UBXN7: variants seen among roughly 807,000 people sequenced by gnomAD.
UBXN7 encodes the protein UBX domain-containing protein 7.
A neutral mutation model predicts 58.0 loss-of-function variants in UBXN7; 9 were observed. The ratio of observed to expected loss-of-function variants is 0.16; its 90% CI spans 0.09 to 0.27. UBXN7 has a LOEUF of 0.27. Among genes scored for constraint, UBXN7 ranks in the 10% least tolerant of loss-of-function variants. UBXN7 has a pLI of 1.00. For missense variants in UBXN7, 328 were observed against 599.6 expected (o/e 0.55, Z 4.73); for synonymous variants, 208 against 205.0 (o/e 1.01, Z -0.12).
intron 1 of UBXN7, chr3:196,432,082 G>A (rs1471200056): frequency 1.6e-6 from 1 of 623,786 alleles, no homozygotes; most frequent in Admixed American, 2.6e-5. Context: ...GGGCTGGCGG[G>A]GGGTTGGGGG....
chr3:196,401,129 C>T (rs533640823), intron 3 of UBXN7, among the ~76,000 whole-genome samples: 49 of 149,436 alleles, frequency 3.3e-4, no homozygotes, highest in African/African-American at 1.1e-3. Flanking sequence ...ACATTTATCT[C>T]GGCCGGGTAT....
chr3:196,358,720 G>A (rs532848449), intron 10 of UBXN7, among the ~76,000 whole-genome samples: 4 of 152,244 alleles, frequency 2.6e-5, no homozygotes, highest in Non-Finnish European at 5.9e-5. Flanking sequence ...CAGCCTGAGC[G>A]ACAGAGCGAC....
intron 5 of UBXN7, among the ~76,000 whole-genome samples, chr3:196,381,424 A>C (rs151231486): frequency 6.6e-6 from 1 of 152,360 alleles, no homozygotes; most frequent in African/African-American, 2.4e-5. Context: ...ACTAACAAAC[A>C]AAAAGGAATA....
chr3:196,370,127 C>CAAAAAAA (rs368855542), intron 6 of UBXN7, among the ~76,000 whole-genome samples: 1 of 73,424 alleles, frequency 1.4e-5, no homozygotes, highest in Non-Finnish European at 2.5e-5. Flanking sequence ...AGACTTGTCT[C>CAAAAAAA]AAAAAAAAAA....
intron 1 of UBXN7, among the ~76,000 whole-genome samples, chr3:196,425,724 A>T (rs1730828675): frequency 6.6e-6 from 1 of 152,032 alleles, no homozygotes; most frequent in Non-Finnish European, 1.5e-5. Context: ...CCCTAAACCG[A>T]TTGTCTCCCC....
At chr3:196,401,823 G>GAGAGAAGAGAAGAGAAGAGA (rs56069211) in intron 3 of UBXN7, among the ~76,000 whole-genome samples, 13,093 of 120,106 alleles carry the variant, frequency 0.11, 1,109 homozygotes, top group East Asian at 0.21. Context: ...GAAAAGAGAA[G>GAGAGAAGAGAAGAGAAGAGA]AGAGAAGAGA....
At chr3:196,397,703 T>A (rs1244113855) in intron 3 of UBXN7, 2 of 152,346 alleles carry the variant, frequency 1.3e-5, no homozygotes, top group East Asian at 3.9e-4. Flanking sequence ...AGCCAAGAAC[T>A]CCTGGGGCTC....
chr3:196,408,821 T>C (rs1444258381), intron 1 of UBXN7, among the ~76,000 whole-genome samples: 1 of 152,252 alleles, frequency 6.6e-6, no homozygotes, highest in Non-Finnish European at 1.5e-5. Flanking sequence ...CTGTTGTTTC[T>C]AGTTGCTTTT....
chr3:196,393,654 A>C, intron 3 of UBXN7, 35 bp from the exon 4 acceptor site: 2 of 1,578,718 alleles, frequency 1.3e-6, no homozygotes, highest in Non-Finnish European at 1.7e-6. Flanking sequence ...AAAATTTTTT[A>C]AATTAATTTT....
chr3:196,402,962 T>C lies in UBXN7; in HGVS notation c.279A>G (p.Pro93=), dbSNP rs150999932. The change falls in exon 3 of 11, where the codon CCA becomes CCG. Residue 93 remains proline, a synonymous_variant. Coordinates refer to ENST00000296328, the MANE Select transcript of UBXN7 (RefSeq NM_015562.2). ...AAAAAGTGAACTTACCACCAAATAA[T>C]GGTTCTGGTTCCACCAGTATTTCCT... is the stretch of plus-strand genomic sequence containing the variant. ...QKQEILVEPE[P]LFGAPKRRRP... 121 of 1,596,268 alleles carry C rather than the reference T, an allele frequency of 7.6e-5. No homozygotes were observed. In the African/African-American group the frequency reaches 1.5e-3, roughly 20 times the overall value.
chr3:196,383,647 A>C (rs1729283704), intron 5 of UBXN7, among the ~76,000 whole-genome samples: 1 of 152,246 alleles, frequency 6.6e-6, no homozygotes, highest in African/African-American at 2.4e-5. Context: ...TAAGAAACTC[A>C]TTCAAAACTG....
Position 196,418,517 on chromosome 3 carries a change from T to C in UBXN7, c.74-11124A>G, listed in dbSNP as rs561339736. Among the ~76,000 whole-genome samples, 3 of 152,076 alleles carry C rather than the reference T, an allele frequency of 2.0e-5. No homozygotes were observed. The South Asian group carries it at 6.2e-4, about 31-fold the overall frequency. The stretch of plus-strand genomic sequence containing the variant: ...ACTCATTTTTTTAAAAGCAGTACAA[T>C]GAAGACAGCAAAAACCTATTACACT... On this transcript the variant is annotated intron_variant, in intron 1 of 10. Transcript: ENST00000296328.
chr3:196,397,351 G>A (rs1729808242), intron 3 of UBXN7, among the ~76,000 whole-genome samples: 1 of 152,194 alleles, frequency 6.6e-6, no homozygotes, highest in Non-Finnish European at 1.5e-5. Context: ...ATATCTGTTC[G>A]TATTTGGCTT....
rs547039851 is a variant in UBXN7 at position 196,404,783 on chromosome 3, C to T, written c.222-1764G>A. Reference sequence around the variant, plus strand: ...ATGTTAAGTACCCTTTCCTACTGCTCACACACAAAATTTCGATAATCTGAA... The same window carrying T: ...ATGTTAAGTACCCTTTCCTACTGCTTACACACAAAATTTCGATAATCTGAA... On this transcript the variant is annotated intron_variant, in intron 2 of 10. Coordinates refer to ENST00000296328, the MANE Select transcript of UBXN7 (RefSeq NM_015562.2). 1.3e-5 allele frequency among the ~76,000 whole-genome samples: 2 copies of T among 152,240 alleles called. 1 individual carries two copies. Among genetic ancestry groups the T allele is most frequent in the East Asian group, 3.9e-4 (2 of 5,180 alleles).
chr3:196,370,217 G>A (rs181349574), intron 6 of UBXN7, among the ~76,000 whole-genome samples: 408 of 151,310 alleles, frequency 2.7e-3, no homozygotes, highest in African/African-American at 9.3e-3. Context: ...GCAGAGGACA[G>A]CTTGAGGCCA....
At chr3:196,384,274 C>A (rs1186459838) in intron 5 of UBXN7, among the ~76,000 whole-genome samples, 1 of 152,146 alleles carries the variant, frequency 6.6e-6, no homozygotes, top group Non-Finnish European at 1.5e-5. Context: ...TCTGAACAGA[C>A]CAATAACAGG....
chr3:196,390,127 G>A (rs894549554), intron 5 of UBXN7, among the ~76,000 whole-genome samples: 1 of 151,996 alleles, frequency 6.6e-6, no homozygotes, highest in Non-Finnish European at 1.5e-5. Context: ...GTTAAGACCA[G>A]GGGATCAATT....
intron 1 of UBXN7, among the ~76,000 whole-genome samples, chr3:196,409,607 G>A (rs1730261830): frequency 1.3e-5 from 2 of 152,144 alleles, no homozygotes; most frequent in South Asian, 4.1e-4. Context: ...ATACACTTCT[G>A]ACTTGGAGGT....
At chr3:196,432,197 C>G in intron 1 of UBXN7, 130 bp downstream of exon 1, 1 of 1,341,022 alleles carries the variant, frequency 7.5e-7, no homozygotes, top group Non-Finnish European at 1.0e-6. Context: ...TCGCCTCTTC[C>G]TCAGGAGGGA....
Sources: allele counts gnomAD v4.1 joint callset (sites outside exome capture counted in the v4.1 genomes callset), GRCh38; gene constraint gnomAD v4.1.1; transcripts MANE v1.5; gene names NCBI Gene and HGNC (gene_info 2026-07-23, HGNC 2026-07-21).